KRT8: variants seen among roughly 807,000 people sequenced by gnomAD.
The protein encoded by KRT8 is keratin 8, also known as keratin, type II cytoskeletal 8.
A neutral mutation model predicts 43.0 loss-of-function variants in KRT8; 24 were observed. The ratio of observed to expected loss-of-function variants is 0.56; its 90% CI spans 0.40 to 0.78. The LOEUF is 0.78. KRT8 is among the 30% of genes least tolerant of loss of function. The pLI is 0.00. For missense variants in KRT8, 492 were observed against 638.4 expected (o/e 0.77, Z 2.47); for synonymous variants, 214 against 261.2 (o/e 0.82, Z 1.74).
intron 2 of KRT8, among the ~76,000 whole-genome samples, chr12:52,942,069 T>C (rs901222124): frequency 3.9e-5 from 6 of 152,168 alleles, no homozygotes; most frequent in African/African-American, 1.4e-4. Flanking sequence ...CCTCTAATAA[T>C]AATCTCCTTG....
At chr12:52,930,120 C>T (rs548063447) in intron 2 of KRT8, among the ~76,000 whole-genome samples, 1 of 152,270 alleles carries the variant, frequency 6.6e-6, no homozygotes, top group South Asian at 2.1e-4. Flanking sequence ...AGAATGGTGC[C>T]TGATACATCA....
intron 2 of KRT8, among the ~76,000 whole-genome samples, chr12:52,922,972 C>A (rs533829935): frequency 7.1e-4 from 108 of 152,260 alleles, no homozygotes; most frequent in Middle Eastern, 3.4e-3. Flanking sequence ...TCCAGAAGAC[C>A]TCCAGGAGCT....
chr12:52,905,125 C>T, upstream of KRT8: 1 of 1,429,756 alleles, frequency 7.0e-7, no homozygotes. Context: ...GGGGAAAGGC[C>T]TCGTACCTGA....
upstream of KRT8, among the ~76,000 whole-genome samples, chr12:52,907,756 C>T (rs1941551892): frequency 6.6e-6 from 1 of 152,200 alleles, no homozygotes. Flanking sequence ...CCCCAGATGC[C>T]CCAAGCACAG....
At chr12:52,903,915 G>C (rs1488896689) in intron 1 of KRT8, among the ~76,000 whole-genome samples, 4 of 121,958 alleles carry the variant, frequency 3.3e-5, no homozygotes, top group Non-Finnish European at 6.6e-5. Flanking sequence ...GCTCCGCCAG[G>C]TGGAGGAGAG....
chr12:52,901,488 A>C (rs1941368919), intron 2 of KRT8: 3 of 556,204 alleles, frequency 5.4e-6, no homozygotes, highest in Non-Finnish European at 9.7e-6. Flanking sequence ...CTGACATGAG[A>C]CCTCAGACAG....
At chr12:52,899,750 C>T in intron 5 of KRT8, 25 bp downstream of exon 5, 1 of 1,605,510 alleles carries the variant, frequency 6.2e-7, no homozygotes, top group Non-Finnish European at 8.5e-7. Context: ...CAAGGAACCC[C>T]TCCCACCCCC....
chr12:52,899,055 C>T, intron 5 of KRT8, 156 bp from the exon 6 acceptor site: 1 of 703,282 alleles, frequency 1.4e-6, no homozygotes, highest in East Asian at 2.8e-5. Context: ...TGGCTCATGC[C>T]TGTAATCCCA....
chr12:52,919,079 G>A (rs1001771081), intron 2 of KRT8, among the ~76,000 whole-genome samples: 5 of 151,954 alleles, frequency 3.3e-5, no homozygotes, highest in Admixed American at 1.3e-4. Context: ...GTAAAAATCC[G>A]CCATTATGCA....
chr12:52,949,242 C>T (rs141066547), intron 2 of KRT8: 1 of 1,611,356 alleles, frequency 6.2e-7, no homozygotes, highest in Non-Finnish European at 8.5e-7. Context: ...AGGCGCCCAG[C>T]TACGGCGCCC....
intron 2 of KRT8, among the ~76,000 whole-genome samples, chr12:52,925,608 T>C (rs1297037705): frequency 6.6e-6 from 1 of 152,024 alleles, no homozygotes. Context: ...GTCAAAGAGA[T>C]AGATTAGGAT....
chr12:52,906,538 T>C (rs753026042), upstream of KRT8: 30 of 371,268 alleles, frequency 8.1e-5, no homozygotes, highest in East Asian at 1.5e-4. Context: ...AGGTTGGAGA[T>C]TGGGGAGCTG....
intron 2 of KRT8, among the ~76,000 whole-genome samples, chr12:52,916,891 G>A (rs1941751598): frequency 6.6e-6 from 1 of 152,208 alleles, no homozygotes; most frequent in Non-Finnish European, 1.5e-5. Context: ...CCATATTCCA[G>A]TGAGACATAG....
intron 2 of KRT8, chr12:52,926,332 G>GGGCCCCCCCCCC: frequency 1.7e-6 from 1 of 600,268 alleles, no homozygotes; most frequent in Non-Finnish European, 3.0e-6. Flanking sequence ...GGCACTAGCT[G>GGGCCCCCCCCCC]CCCTCCCCAC....
chr12:52,912,009 A>G (rs552551903), upstream of KRT8, among the ~76,000 whole-genome samples: 3 of 152,348 alleles, frequency 2.0e-5, no homozygotes, highest in Non-Finnish European at 4.4e-5. Flanking sequence ...AGTCTGGGTG[A>G]CAGAGTGAGA....
At chr12:52,937,627 G>T (rs2120717890) in intron 2 of KRT8, among the ~76,000 whole-genome samples, 1 of 151,366 alleles carries the variant, frequency 6.6e-6, no homozygotes, top group Admixed American at 6.6e-5. Context: ...GGCAAATGTT[G>T]CAGTGAACCA....
At chr12:52,901,984 T>C in exon 2 of KRT8, 1 of 1,604,394 alleles carries the variant, frequency 6.2e-7, no homozygotes, top group Non-Finnish European at 8.5e-7. Flanking sequence ...CTCGAACATG[T>C]TGTCCATGTT....
intron 2 of KRT8, among the ~76,000 whole-genome samples, chr12:52,936,912 T>C (rs1160076266): frequency 1.3e-5 from 2 of 152,134 alleles, no homozygotes; most frequent in African/African-American, 2.4e-5. Context: ...TCAAAAGACA[T>C]TAAGAGAATG....
At chr12:52,901,120 G>C in intron 3 of KRT8, 39 bp downstream of exon 3, 1 of 1,439,524 alleles carries the variant, frequency 6.9e-7, no homozygotes, top group African/African-American at 1.4e-5. Context: ...CTGAGCCCCA[G>C]CCTCCAGTGT....
Sources: gnomAD v4.1 joint callset for allele counts (sites outside exome capture counted in the v4.1 genomes callset) on GRCh38, gnomAD v4.1.1 for gene constraint, MANE v1.5 for transcripts, NCBI Gene and HGNC (gene_info 2026-07-23, HGNC 2026-07-21) for gene names.